Variants in TRMT11 observed in about 807,000 individuals in gnomAD.
TRMT11 encodes the protein tRNA (guanine(10)-N(2))-methyltransferase TRMT11.
A neutral mutation model predicts 62.8 loss-of-function variants in TRMT11; 53 were observed. The observed-to-expected ratio is 0.84, with a 90% CI of 0.68 to 1.06. TRMT11 has a LOEUF of 1.06. Among genes scored for constraint, TRMT11 ranks in the 50% least tolerant of loss-of-function variants. The pLI, the probability that TRMT11 is intolerant of heterozygous loss-of-function variation, is 0.00. For missense variants in TRMT11, 556 were observed against 553.4 expected, an observed-to-expected ratio of 1.00 and a Z score of -0.05; for synonymous variants, 188 against 190.3, an observed-to-expected ratio of 0.99 and a Z score of 0.10.
At chr6:125,998,004 T>A (rs780120840) in intron 3 of TRMT11, 49 bp from the exon 4 acceptor site, 1 of 1,277,308 alleles carries the variant, frequency 7.8e-7, no homozygotes, top group Non-Finnish European at 1.1e-6. Context: ...TGTATTCCTG[T>A]GTGAACTAAG....
At chr6:126,000,704 G>A (rs1391874551) in intron 7 of TRMT11, among the ~76,000 whole-genome samples, 1 of 152,100 alleles carries the variant, frequency 6.6e-6, no homozygotes, top group Non-Finnish European at 1.5e-5. Flanking sequence ...GGAAGAAGTA[G>A]TATCAAGGTC....
At chr6:126,048,322 C>T (rs933387346) in intron 16 of TRMT11, among the ~76,000 whole-genome samples, 4 of 152,160 alleles carry the variant, frequency 2.6e-5, no homozygotes, top group Non-Finnish European at 5.9e-5. Flanking sequence ...AATTCAAGGC[C>T]ATTCTCAAAG....
chr6:126,240,246 T>A, the TRMT11 span, among the ~76,000 whole-genome samples: 1 of 152,228 alleles, frequency 6.6e-6, no homozygotes, highest in Non-Finnish European at 1.5e-5. Flanking sequence ...GTTCCGTTGC[T>A]GGTGAGGAGC....
chr6:126,018,110 C>T (rs1163199936), intron 11 of TRMT11, among the ~76,000 whole-genome samples: 2 of 151,934 alleles, frequency 1.3e-5, no homozygotes, highest in East Asian at 3.9e-4. Flanking sequence ...GCACATTGTA[C>T]CCCCCAAATA....
Position 126,183,791 on chromosome 6 carries a change from A to G in TRMT11, n.143+6456A>G, listed in dbSNP as rs867872019. Among the ~76,000 whole-genome samples, 4 of 127,634 alleles carry G rather than the reference A, an allele frequency of 3.1e-5. No homozygotes were observed. In the South Asian group the frequency reaches 1.1e-3, roughly 34 times the overall value. The allele number at this position is 127,634 out of a possible 152,430, so 83.7% of individuals were successfully genotyped here. On this transcript the variant is annotated intron_variant and non_coding_transcript_variant, in intron 1 of 3. Coordinates refer to the TRMT11 transcript ENST00000444229. Reference sequence around the variant, plus strand: ...ATAGATTAACTGTTAGCACTTATAGAGTGCTTCATCTTTTTAAGGCACTGG... The same window carrying G: ...ATAGATTAACTGTTAGCACTTATAGGGTGCTTCATCTTTTTAAGGCACTGG...
At chr6:126,186,643 C>T (rs1270105532) in intron 1 of TRMT11, among the ~76,000 whole-genome samples, 1 of 151,996 alleles carries the variant, frequency 6.6e-6, no homozygotes, top group Non-Finnish European at 1.5e-5. Context: ...TGTGAAACTA[C>T]CTTTTTATTA....
chr6:126,211,039 G>A, the TRMT11 span, among the ~76,000 whole-genome samples: 1 of 148,768 alleles, frequency 6.7e-6, no homozygotes, highest in Non-Finnish European at 1.5e-5. Flanking sequence ...CTGTGAGGCA[G>A]ATGTATTCAC....
the TRMT11 span, among the ~76,000 whole-genome samples, chr6:126,240,002 G>C: frequency 6.6e-6 from 1 of 152,174 alleles, no homozygotes; most frequent in East Asian, 1.9e-4. Flanking sequence ...GATCAAATCA[G>C]CTACTGAGGC....
In TRMT11 at chr6:126,013,027, C is replaced by A; in HGVS notation, c.1065C>A (p.Asp355Glu). 6.2e-7 allele frequency: 1 copy of A among 1,613,800 alleles called. No individual in the cohort carries two copies. Among genetic ancestry groups the A allele is most frequent in the Admixed American group, 1.7e-5 (1 of 59,986 alleles). The change falls in exon 11 of 13, where the codon GAC becomes GAA. Residue 355 changes from aspartate (D) to glutamate (E), a missense_variant. Physicochemically the swap from Asp to Glu is conservative, Grantham distance 45 (BLOSUM62 2). Coordinates refer to ENST00000334379, the MANE Select transcript of TRMT11 (RefSeq NM_001031712.3). ...LSYHLSDMFL[D>E]LLNFAAETLV... ...ATCATCTGAGTGATATGTTTCTTGA[C>A]CTGTTAAACTTCGCAGCTGAGACCC... is the stretch of plus-strand genomic sequence containing the variant.
intron 17 of TRMT11, among the ~76,000 whole-genome samples, chr6:126,075,262 T>C (rs777100938): frequency 6.6e-6 from 1 of 152,062 alleles, no homozygotes; most frequent in Non-Finnish European, 1.5e-5. Flanking sequence ...ATAAATAAGG[T>C]TTTATTTAAC....
intron 17 of TRMT11, among the ~76,000 whole-genome samples, chr6:126,090,709 A>G (rs189859001): frequency 4.3e-4 from 66 of 152,324 alleles, no homozygotes; most frequent in African/African-American, 1.5e-3. Context: ...CTAATACATA[A>G]GACTGGTTCA....
At chr6:126,163,976 A>G (rs1271518755) in intron 21 of TRMT11, among the ~76,000 whole-genome samples, 1 of 152,100 alleles carries the variant, frequency 6.6e-6, no homozygotes, top group African/African-American at 2.4e-5. Flanking sequence ...TGTCTCCTTC[A>G]GTTCTGCTCT....
chr6:126,038,437 C>CAAAAAAAAAAAAA (rs72178194), intron 12 of TRMT11, among the ~76,000 whole-genome samples: 1 of 129,262 alleles, frequency 7.7e-6, no homozygotes, highest in African/African-American at 2.9e-5. Flanking sequence ...TGCCCTGAGG[C>CAAAAAAAAAAAAA]AAAAAAAAAA....
chr6:126,130,865 A>G (rs780554822), intron 21 of TRMT11, among the ~76,000 whole-genome samples: 2 of 152,116 alleles, frequency 1.3e-5, no homozygotes, highest in Non-Finnish European at 2.9e-5. Context: ...CGAGGTAAAT[A>G]TGAGCCTTTG....
chr6:126,143,523 A>G (rs1162214720), intron 21 of TRMT11, among the ~76,000 whole-genome samples: 1 of 152,126 alleles, frequency 6.6e-6, no homozygotes, highest in Non-Finnish European at 1.5e-5. Context: ...TTATTTTTGG[A>G]TAATTTCATC....
At chr6:126,257,305 T>C in the TRMT11 span, among the ~76,000 whole-genome samples, 1 of 152,120 alleles carries the variant, frequency 6.6e-6, no homozygotes, top group Admixed American at 6.5e-5. Flanking sequence ...CCATATTTAC[T>C]GATTTGCATA....
the TRMT11 span, among the ~76,000 whole-genome samples, chr6:126,228,435 C>A: frequency 6.6e-6 from 1 of 152,256 alleles, no homozygotes; most frequent in South Asian, 2.1e-4. Flanking sequence ...AACATTTTGC[C>A]CTGCGGTGAC....
the TRMT11 span, among the ~76,000 whole-genome samples, chr6:126,258,531 G>C: frequency 1.3e-5 from 2 of 152,200 alleles, no homozygotes; most frequent in Non-Finnish European, 2.9e-5. Flanking sequence ...CTGCGCCCCT[G>C]ACTTTTTATT....
intron 21 of TRMT11, among the ~76,000 whole-genome samples, chr6:126,147,431 GT>G (rs5879800): frequency 0.44 from 67,481 of 151,936 alleles, 15,534 homozygotes; most frequent in African/African-American, 0.52. Flanking sequence ...GGGGAGCTGT[GT>G]TTGCAGAAGT....
Sources: allele counts gnomAD v4.1 joint callset (sites outside exome capture counted in the v4.1 genomes callset), GRCh38; gene constraint gnomAD v4.1.1; transcripts MANE v1.5; gene names NCBI Gene and HGNC (gene_info 2026-07-23, HGNC 2026-07-21).